Variants in SF3B2 observed in about 807,000 individuals in gnomAD.
SF3B2 encodes SAP 145.
Under a neutral mutation model 116.3 loss-of-function variants are expected in SF3B2, and 22 were observed. That is an observed-to-expected ratio of 0.19 (90% CI 0.14 to 0.27). The LOEUF (loss-of-function observed/expected upper bound fraction) is 0.27. Ranked by LOEUF, SF3B2 falls within the 10% of genes least tolerant of loss-of-function variation. The pLI, the probability that SF3B2 is intolerant of heterozygous loss-of-function variation, is 1.00. For missense variants in SF3B2, 767 were observed against 1,151.4 expected, an observed-to-expected ratio of 0.67 and a Z score of 4.83; for synonymous variants, 406 against 421.6, an observed-to-expected ratio of 0.96 and a Z score of 0.45.
At chr11:66,062,766 T>A (rs1005992268) in intron 16 of SF3B2, among the ~76,000 whole-genome samples, 1 of 152,134 alleles carries the variant, frequency 6.6e-6, no homozygotes, top group African/African-American at 2.4e-5. Flanking sequence ...CAGTAAAGAC[T>A]CTGCCATGAC....
At chr11:66,060,480 A>T in intron 13 of SF3B2, 102 bp from the exon 14 acceptor site, 1 of 1,384,054 alleles carries the variant, frequency 7.2e-7, no homozygotes, top group Non-Finnish European at 1.0e-6. Context: ...TCAGGGTGAG[A>T]TAATTGAGGC....
chr11:66,052,896 G>A, intron 2 of SF3B2, 131 bp from the exon 3 acceptor site: 4 of 1,217,644 alleles, frequency 3.3e-6, no homozygotes, highest in South Asian at 1.3e-5. Context: ...ATCCATCTTG[G>A]TCCTCTTCAG....
rs367937981 is a variant in SF3B2 at position 66,068,197 on chromosome 11, C to T, written c.2480C>T (p.Ala827Val). 8.1e-6 allele frequency: 13 copies of T among 1,614,074 alleles called. No individual in the cohort carries two copies. The highest frequency in any genetic ancestry group is 2.7e-5 in the African/African-American group (2 of 74,930). The stretch of plus-strand genomic sequence containing the variant: ...CCTGAGCTGCAAGGTGTGGAAGTGG[C>T]GCTGGCGCCTGAAGAGTTGGAGCTG... ...PAPELQGVEV[A>V]LAPEELELDP... The change falls in exon 21 of 22, where the codon GCG becomes GTG. Residue 827 changes from alanine to valine, a missense_variant. Physicochemically the swap from Ala to Val is moderately conservative, Grantham distance 64. Around this residue, in one of 4 missense-constraint regions of SF3B2, gnomAD observed 282 missense variants for 568.0 expected, o/e 0.50. Coordinates refer to ENST00000322535, the MANE Select transcript of SF3B2 (RefSeq NM_006842.3).
In SF3B2 at chr11:66,068,275, C is replaced by T; in HGVS notation, c.2558C>T (p.Ala853Val). The change falls in exon 21 of 22, where the codon GCT becomes GTT. Residue 853 changes from alanine to valine, a missense_variant. Transcript: ENST00000322535. ...KYEEHVREQQ[A>V]QVEKEDFSDM... ...GAGGAGCATGTGCGGGAGCAGCAGGCTCAAGTAGAGAAGGAGGACTTCAGT... is the reference window on the plus strand; with the variant it reads ...GAGGAGCATGTGCGGGAGCAGCAGGTTCAAGTAGAGAAGGAGGACTTCAGT... 1 of 1,613,898 alleles carries T rather than the reference C, an allele frequency of 6.2e-7. No individual in the cohort carries two copies. Among genetic ancestry groups the T allele is most frequent in the Non-Finnish European group, 8.5e-7 (1 of 1,180,010 alleles).
In SF3B2 at chr11:66,069,159, TAGCC is replaced by T. The variant is rs1857245159; in HGVS notation, c.*417_*420del. 1 of 352,020 alleles carries T rather than the reference TAGCC, an allele frequency of 2.8e-6. No homozygotes were observed. Among genetic ancestry groups the T allele is most frequent in the South Asian group, 2.1e-5 (1 of 46,534 alleles). 21.8% of individuals were successfully genotyped at this position (352,020 alleles called of 1,614,324 possible). A position where few individuals can be genotyped will look rare whatever the true frequency, so the allele number is the denominator to read the frequency against. On this transcript the variant is annotated 3_prime_UTR_variant, in exon 22 of 22. Transcript: ENST00000322535. Reference sequence around the variant, plus strand: ...CTACTTTGTCCTTGGGGAGTAAAAATAGCCAGATTAGCGCCCTAGCGCGGCAGAG... The same window carrying T: ...CTACTTTGTCCTTGGGGAGTAAAAATAGATTAGCGCCCTAGCGCGGCAGAG...
rs554513260 is a variant in SF3B2, at chr11:66,062,015, C to A, written c.1977+17C>A. ...ATCCCTGAGGTGAGCATTGTCCTTT[C>A]GTTCATTCTTGGCCATTTCTGCTTT... On this transcript the variant is annotated intron_variant, in intron 16 of 21. Transcript: ENST00000322535. The A allele has an allele frequency of 1.3e-6, 2 of 1,583,578 alleles. No homozygotes were observed. Among genetic ancestry groups the A allele is most frequent in the South Asian group, 2.3e-5 (2 of 87,604 alleles).
At chr11:66,058,738 C>A in intron 9 of SF3B2, 92 bp from the exon 10 acceptor site, 1 of 1,104,888 alleles carries the variant, frequency 9.1e-7, no homozygotes, top group South Asian at 1.5e-5. Context: ...GACTGTTGAA[C>A]TGTGGGGGAG....
rs1857102926 is a variant in SF3B2, at chr11:66,061,732, T to C, written c.1826T>C (p.Leu609Pro). The C allele has an allele frequency of 1.9e-6, 3 of 1,614,124 alleles. No homozygotes were observed. The highest frequency in any genetic ancestry group is 1.7e-5 in the Admixed American group (1 of 60,012). Reference sequence around the variant, plus strand: ...CTGAAGGAGAAGAAGCCAGGAGATCTGTCTGATGAGCTAAGGATTTCCTTG... The same window carrying C: ...CTGAAGGAGAAGAAGCCAGGAGATCCGTCTGATGAGCTAAGGATTTCCTTG... ...TRLKEKKPGD[L>P]SDELRISLGM... Residue 609 changes from leucine to proline, a missense_variant, in exon 15 of 22, where the codon CTG (leucine) becomes CCG (proline). Transcript: ENST00000322535.
Position 66,055,567 on chromosome 11 carries a change from C to T in SF3B2, c.531C>T (p.Leu177=), listed in dbSNP as rs748044672. Residue 177 remains leucine (L), a synonymous_variant, in exon 5 of 22, where the codon CTC becomes CTT. Coordinates refer to ENST00000322535, the MANE Select transcript of SF3B2 (RefSeq NM_006842.3). The part of the protein sequence containing the change: ...QGDHSLKEHE[L]LEQQKRAAVL... ...ATCATTCGCTGAAGGAACATGAGCTCTTGGAGCAGCAGAAGCGGGTAATAC... is the reference window on the plus strand; with the variant it reads ...ATCATTCGCTGAAGGAACATGAGCTTTTGGAGCAGCAGAAGCGGGTAATAC... 1.2e-6 allele frequency: 2 copies of T among 1,614,144 alleles called. No homozygotes were observed. Among genetic ancestry groups the T allele is most frequent in the Admixed American group, 3.3e-5 (2 of 60,010 alleles).
At chr11:66,056,728 T>G in intron 5 of SF3B2, 110 bp from the exon 6 acceptor site, 1 of 766,880 alleles carries the variant, frequency 1.3e-6, no homozygotes, top group Non-Finnish European at 2.3e-6. Flanking sequence ...ACCCAAGTGG[T>G]TCGTGATTGT....
rs373586694 is a variant in SF3B2, at chr11:66,058,333, A to G, written c.894A>G (p.Thr298=). The G allele has an allele frequency of 1.2e-6, 2 of 1,614,082 alleles. No individual in the cohort carries two copies. Among genetic ancestry groups the G allele is most frequent in the Non-Finnish European group, 1.7e-6 (2 of 1,180,008 alleles). ...NSQQEEEEME[T]DARSSLGQSA... ...TTACAGAGGAAGAGGAAATGGAAAC[A>G]GATGCTCGCTCGTCCCTGGGCCAGT... Residue 298 remains threonine, a synonymous_variant, in exon 9 of 22, where the codon ACA becomes ACG. Coordinates refer to ENST00000322535, the MANE Select transcript of SF3B2 (RefSeq NM_006842.3).
At position 66,068,151 on chromosome 11, in the gene SF3B2, A is replaced by T; in HGVS notation, c.2434A>T (p.Met812Leu). The T allele has an allele frequency of 6.2e-7, 1 of 1,614,040 alleles. No homozygotes were observed. Among genetic ancestry groups the T allele is most frequent in the Non-Finnish European group, 8.5e-7 (1 of 1,180,022 alleles). The stretch of plus-strand genomic sequence containing the variant: ...CAGGCCCTGATCTCCTTTCCAGGTT[A>T]TGAGCCGGAAGGGCCCGGCTCCTGA... ...STHIYDMSTV[M>L]SRKGPAPELQ... is the part of the protein sequence containing the mutation. The change falls in exon 21 of 22, where the codon ATG becomes TTG. Residue 812 changes from methionine to leucine, a missense_variant. Physicochemically the swap from Met to Leu is conservative, Grantham distance 15. This residue lies in a region of SF3B2 where 282 missense variants were observed against 568.0 expected (regional missense o/e 0.50). Transcript: ENST00000322535.
chr11:66,066,200 G>C (rs1046079175), intron 19 of SF3B2: 3 of 152,218 alleles, frequency 2.0e-5, no homozygotes, highest in Non-Finnish European at 4.4e-5. Context: ...TGTATTGTCT[G>C]CTAACTCTAA....
chr11:66,058,413 T>A lies in SF3B2; in HGVS notation c.966+8T>A. The A allele has an allele frequency of 6.2e-7, 1 of 1,610,130 alleles. No homozygotes were observed. Among genetic ancestry groups the A allele is most frequent in the Non-Finnish European group, 8.5e-7 (1 of 1,176,632 alleles). On this transcript the variant is annotated splice_region_variant and intron_variant, in intron 9 of 21. Transcript: ENST00000322535. The stretch of plus-strand genomic sequence containing the variant: ...TCCGTATCTAAAAAGGAGGTAGGGA[T>A]TGGAGCTGAGTGTGGAAGGAAAGCC...
intron 19 of SF3B2, chr11:66,065,763 C>T (rs1478714460): frequency 6.6e-6 from 1 of 152,162 alleles, no homozygotes; most frequent in African/African-American, 2.4e-5. Context: ...TAATCCCATA[C>T]AATATAATTC....
In SF3B2 at chr11:66,062,006, T is replaced by C. The variant is rs749306260; in HGVS notation, c.1977+8T>C. 5 of 1,600,800 alleles carry C rather than the reference T, an allele frequency of 3.1e-6. No homozygotes were observed. The East Asian group carries it at 6.7e-5, about 22-fold the overall frequency. ...AACTCGCCCATCCCTGAGGTGAGCA[T>C]TGTCCTTTCGTTCATTCTTGGCCAT... On this transcript the variant is annotated splice_region_variant and intron_variant, in intron 16 of 21. Coordinates refer to ENST00000322535, the MANE Select transcript of SF3B2 (RefSeq NM_006842.3).
rs1312259483 is a variant in SF3B2 at position 66,058,050 on chromosome 11, G to T, written c.778-4G>T. The T allele has an allele frequency of 6.2e-7, 1 of 1,600,470 alleles. No individual in the cohort carries two copies. The highest frequency in any genetic ancestry group is 1.3e-5 in the African/African-American group (1 of 74,150). ...TGCCTTCTCTGACTGGGTGTCTCTGGCAGATGGATGACCCCTCTGTGGGCC... is the reference window on the plus strand; with the variant it reads ...TGCCTTCTCTGACTGGGTGTCTCTGTCAGATGGATGACCCCTCTGTGGGCC... On this transcript the variant is annotated splice_polypyrimidine_tract_variant and splice_region_variant and intron_variant, in intron 7 of 21. Coordinates refer to ENST00000322535, the MANE Select transcript of SF3B2 (RefSeq NM_006842.3).
intron 3 of SF3B2, 140 bp downstream of exon 3, chr11:66,053,244 A>T: frequency 1.2e-6 from 1 of 817,826 alleles, no homozygotes; most frequent in Non-Finnish European, 2.1e-6. Context: ...GGGGAAAAAA[A>T]AAGATTCCAT....
At chr11:66,058,517 C>G (rs1207496882) in intron 9 of SF3B2, 112 bp downstream of exon 9, 5 of 793,584 alleles carry the variant, frequency 6.3e-6, no homozygotes, top group African/African-American at 1.7e-5. Context: ...GTGCCAATTT[C>G]CGCCCTCAGC....
Sources: allele counts gnomAD v4.1 joint callset (sites outside exome capture counted in the v4.1 genomes callset), GRCh38; gene constraint gnomAD v4.1.1; regional missense constraint gnomAD v4.1.1; transcripts MANE v1.5; gene names NCBI Gene and HGNC (gene_info 2026-07-23, HGNC 2026-07-21).